ARHGAP6: variants seen among roughly 807,000 people sequenced by gnomAD.
The protein encoded by ARHGAP6 is rho GTPase-activating protein 6.
A neutral mutation model predicts 55.7 loss-of-function variants in ARHGAP6; 16 were observed. The observed-to-expected ratio is 0.29, with a 90% CI of 0.19 to 0.44. ARHGAP6 has a LOEUF of 0.44. ARHGAP6 is among the 20% of genes least tolerant of loss of function. ARHGAP6 has a pLI of 1.00. For synonymous variants in ARHGAP6, 382 were observed against 360.9 expected (o/e 1.06, Z -0.66); for missense variants, 698 against 808.9 (o/e 0.86, Z 1.66).
intron 1 of ARHGAP6, among the ~76,000 whole-genome samples, chrX:11,405,295 C>G: frequency 8.9e-6 from 1 of 111,971 alleles, no homozygotes; most frequent in Non-Finnish European, 1.9e-5. Context: ...CTCTGCTCCT[C>G]TTTGCTTTCT....
chrX:11,435,135 T>C (rs1156764955), intron 1 of ARHGAP6, among the ~76,000 whole-genome samples: 3 of 111,905 alleles, frequency 2.7e-5, no homozygotes, highest in Admixed American at 9.4e-5. Flanking sequence ...CCAGATATGC[T>C]GCTCAACTTC....
intron 1 of ARHGAP6, among the ~76,000 whole-genome samples, chrX:11,386,857 G>A (rs765792749): frequency 2.2e-4 from 25 of 111,865 alleles, no homozygotes; most frequent in Non-Finnish European, 4.1e-4. Flanking sequence ...CAGGAACTGC[G>A]TATAATGATT....
At chrX:11,182,200 A>C in intron 5 of ARHGAP6, 82 bp from the exon 6 acceptor site, 1 of 809,652 alleles carries the variant, frequency 1.2e-6, no homozygotes, top group Non-Finnish European at 1.8e-6. Flanking sequence ...GCAGAATGCC[A>C]GCACAGTGCC....
At chrX:11,247,447 T>A (rs1275440628) in intron 2 of ARHGAP6, among the ~76,000 whole-genome samples, 1 of 112,632 alleles carries the variant, frequency 8.9e-6, no homozygotes, top group Non-Finnish European at 1.9e-5. Context: ...ATAAGTTATT[T>A]TCTTTCATTT....
At chrX:11,502,601 C>G (rs999484354) in intron 1 of ARHGAP6, among the ~76,000 whole-genome samples, 3 of 111,794 alleles carry the variant, frequency 2.7e-5, no homozygotes, top group African/African-American at 9.8e-5. Context: ...AAGACCAACC[C>G]CTCCTCGACC....
intron 1 of ARHGAP6, among the ~76,000 whole-genome samples, chrX:11,629,710 G>C (rs1395586868): frequency 9.0e-6 from 1 of 110,847 alleles, no homozygotes; most frequent in Non-Finnish European, 1.9e-5. Flanking sequence ...CGCTCCCCAA[G>C]GCACTGAGTG....
chrX:11,664,170 TA>T, intron 1 of ARHGAP6, 70 bp downstream of exon 1: 1 of 999,751 alleles, frequency 1.0e-6, no homozygotes, highest in Non-Finnish European at 1.4e-6. Flanking sequence ...GTAATGGAAT[TA>T]AAGGCGGTCT....
chrX:11,507,243 C>A (rs959421125), intron 1 of ARHGAP6, among the ~76,000 whole-genome samples: 1 of 110,345 alleles, frequency 9.1e-6, no homozygotes, highest in African/African-American at 3.3e-5. Context: ...GAAATAAGGG[C>A]GGTTATTGGC....
intron 2 of ARHGAP6, among the ~76,000 whole-genome samples, chrX:11,207,291 G>C (rs1214782181): frequency 9.1e-6 from 1 of 110,153 alleles, no homozygotes; most frequent in African/African-American, 3.3e-5. Flanking sequence ...AGCCTCCAAA[G>C]TGTTAGGATT....
chrX:11,142,458 C>A, intron 11 of ARHGAP6, 145 bp from the exon 12 acceptor site: 1 of 309,238 alleles, frequency 3.2e-6, no homozygotes. Context: ...ATCCACCTTT[C>A]AGCGTGTTCA....
intron 1 of ARHGAP6, among the ~76,000 whole-genome samples, chrX:11,520,008 G>A (rs2050895983): frequency 1.1e-5 from 1 of 94,851 alleles, no homozygotes; most frequent in African/African-American, 3.9e-5. Context: ...AAACTAAAGA[G>A]CTTCTGCACA....
At chrX:11,501,826 G>A (rs2050682556) in intron 1 of ARHGAP6, among the ~76,000 whole-genome samples, 1 of 111,610 alleles carries the variant, frequency 9.0e-6, no homozygotes, top group Non-Finnish European at 1.9e-5. Context: ...TCATCTTTAT[G>A]TTGAGTAGGT....
chrX:11,179,233 G>T, intron 7 of ARHGAP6, 69 bp downstream of exon 7: 1 of 1,027,244 alleles, frequency 9.7e-7, no homozygotes, highest in South Asian at 2.9e-5. Context: ...TATGCATAAA[G>T]TTATGATGAA....
chrX:11,368,955 A>G (rs898350376), intron 1 of ARHGAP6, among the ~76,000 whole-genome samples: 2 of 111,887 alleles, frequency 1.8e-5, no homozygotes, highest in South Asian at 7.5e-4. Context: ...TTAGGTGCCC[A>G]TATGTCCCAG....
chrX:11,269,082 T>C (rs763464897), intron 1 of ARHGAP6, among the ~76,000 whole-genome samples: 43 of 111,819 alleles, frequency 3.8e-4, no homozygotes, highest in African/African-American at 1.4e-3. Context: ...GTCCCACCAA[T>C]TGTGGCCAAT....
chrX:11,618,588 G>A (rs920824338), intron 1 of ARHGAP6, among the ~76,000 whole-genome samples: 1 of 112,015 alleles, frequency 8.9e-6, no homozygotes. Context: ...CCGAGCTCAT[G>A]CATGATTAAT....
intron 9 of ARHGAP6, among the ~76,000 whole-genome samples, chrX:11,165,255 G>C (rs749244480): frequency 9.0e-6 from 1 of 111,582 alleles, no homozygotes; most frequent in East Asian, 2.8e-4. Context: ...TCAGTGAACA[G>C]AACAAACAAA....
intron 1 of ARHGAP6, chrX:11,294,927 G>GT: frequency 1.0e-6 from 1 of 987,276 alleles, no homozygotes; most frequent in South Asian, 1.9e-5. Context: ...TGAAATTAGG[G>GT]TTTAAAACAG....
intron 1 of ARHGAP6, among the ~76,000 whole-genome samples, chrX:11,422,445 G>A (rs2049833603): frequency 9.0e-6 from 1 of 111,522 alleles, no homozygotes; most frequent in Non-Finnish European, 1.9e-5. Flanking sequence ...GCACTTGGAA[G>A]GTCAAGGTCA....
Sources: gnomAD v4.1 joint callset for allele counts (sites outside exome capture counted in the v4.1 genomes callset) on GRCh38, gnomAD v4.1.1 for gene constraint, MANE v1.5 for transcripts, NCBI Gene and HGNC (gene_info 2026-07-23, HGNC 2026-07-21) for gene names.